Variants in PCDHGA5 observed in about 807,000 individuals in gnomAD.
PCDHGA5 encodes the protein protocadherin gamma-A5.
Under a neutral mutation model 56.7 loss-of-function variants are expected in PCDHGA5, and 36 were observed. That is an observed-to-expected ratio of 0.64 (90% CI 0.49 to 0.84). The LOEUF (loss-of-function observed/expected upper bound fraction) is 0.84, where lower values mean the gene tolerates loss of function less well. Ranked by LOEUF, PCDHGA5 falls within the 40% of genes least tolerant of loss-of-function variation. PCDHGA5 has a pLI of 0.00. For synonymous variants in PCDHGA5, 563 were observed against 520.2 expected, an observed-to-expected ratio of 1.08 and a Z score of -1.12; for missense variants, 1,305 against 1,201.5, an observed-to-expected ratio of 1.09 and a Z score of -1.27.
At chr5:141,442,445 T>A (rs2098325574) in intron 1 of PCDHGA5, 1 of 152,198 alleles carries the variant, frequency 6.6e-6, no homozygotes, top group South Asian at 2.1e-4. Flanking sequence ...CCCTCAGGAC[T>A]CAATAGCAGT....
At chr5:141,424,055 C>T (rs2096796946) in intron 1 of PCDHGA5, 1 of 1,007,784 alleles carries the variant, frequency 9.9e-7, no homozygotes. Flanking sequence ...TTTTGCTGTG[C>T]CTTCACTGAT....
chr5:141,393,232 T>TA lies in PCDHGA5; in HGVS notation c.2421+26486dup, dbSNP rs774547937. On this transcript the variant is annotated intron_variant, in intron 1 of 3. Coordinates refer to ENST00000518069, the MANE Select transcript of PCDHGA5 (RefSeq NM_018918.3). The stretch of plus-strand genomic sequence containing the variant: ...AAATTCCAGGTCGAAGATCTAGAAG[T>TA]AAAAATTAACGAAATCGCGGTTCCT... The TA allele has an allele frequency of 5.6e-6, 9 of 1,613,542 alleles. No homozygotes were observed. The African/African-American group carries it at 1.2e-4, about 22-fold the overall frequency.
At chr5:141,413,082 A>T in intron 1 of PCDHGA5, 8 of 1,344,446 alleles carry the variant, frequency 6.0e-6, no homozygotes, top group Non-Finnish European at 8.1e-6. Context: ...CCCAGGCTAC[A>T]GAGACACCCT....
At chr5:141,395,889 G>A (rs1375818306) in intron 1 of PCDHGA5, 3 of 151,948 alleles carry the variant, frequency 2.0e-5, no homozygotes, top group African/African-American at 4.8e-5. Flanking sequence ...GTGGTCACCT[G>A]GGCTCCATGC....
intron 1 of PCDHGA5, chr5:141,478,545 A>T: frequency 6.2e-7 from 1 of 1,605,606 alleles, no homozygotes; most frequent in Admixed American, 1.7e-5. Context: ...CCTCCCGGAC[A>T]GGTAAGGTTT....
At chr5:141,479,866 A>G (rs1020197891) in intron 1 of PCDHGA5, among the ~76,000 whole-genome samples, 2 of 152,204 alleles carry the variant, frequency 1.3e-5, no homozygotes, top group African/African-American at 2.4e-5. Context: ...TTTGCCCTGG[A>G]GAGAACCCTA....
At chr5:141,410,858 T>A in intron 1 of PCDHGA5, 1 of 436,188 alleles carries the variant, frequency 2.3e-6, no homozygotes, top group Non-Finnish European at 3.8e-6. Context: ...TCTTTTTTTT[T>A]TTTTTTTTTT....
chr5:141,495,434 G>A (rs1038100521), intron 2 of PCDHGA5, among the ~76,000 whole-genome samples: 2 of 152,196 alleles, frequency 1.3e-5, no homozygotes, highest in Non-Finnish European at 2.9e-5. Flanking sequence ...ACTGTCCTCT[G>A]CCCCTACTTG....
chr5:141,399,043 G>T lies in PCDHGA5; in HGVS notation c.2421+32292G>T, dbSNP rs545668357. The T allele has an allele frequency of 3.0e-5, 48 of 1,613,890 alleles. No homozygotes were observed. The South Asian group carries it at 4.9e-4, about 17-fold the overall frequency. ...TACCACTCAAAAGAAACTGGATTTTGAAGAGACCAAGGAATATTCAATGGT... is the reference window on the plus strand; with the variant it reads ...TACCACTCAAAAGAAACTGGATTTTTAAGAGACCAAGGAATATTCAATGGT... On this transcript the variant is annotated intron_variant, in intron 1 of 3. Transcript: ENST00000518069.
In PCDHGA5 at chr5:141,510,992, T is replaced by C. The variant is rs879030278; in HGVS notation, c.2615T>C (p.Met872Thr). The change falls in exon 4 of 4, where the codon ATG (methionine) becomes ACG (threonine). Residue 872 changes from methionine to threonine, a missense_variant. By Grantham distance (81) the Met-to-Thr change is moderately conservative. Coordinates refer to ENST00000518069, the MANE Select transcript of PCDHGA5 (RefSeq NM_018918.3). ...SSTLGGGAGT[M>T]GLSARYGPQF... is the part of the protein sequence containing the mutation. ...ACCCTGGGAGGGGGTGCCGGCACCA[T>C]GGGATTGAGCGCCCGCTACGGACCC... The C allele has an allele frequency of 1.9e-6, 3 of 1,614,164 alleles. No individual in the cohort carries two copies. The highest frequency in any genetic ancestry group is 2.5e-6 in the Non-Finnish European group (3 of 1,180,006).
At position 141,432,180 on chromosome 5, in the gene PCDHGA5, T is replaced by G. The variant is rs943491593; in HGVS notation, c.2422-62627T>G. 2 of 1,614,044 alleles carry G rather than the reference T, an allele frequency of 1.2e-6. No homozygotes were observed. The highest frequency in any genetic ancestry group is 1.7e-6 in the Non-Finnish European group (2 of 1,180,036). ...CCCAGAGGAGTTTCCCTCGTCTCTG[T>G]GACCGCCCACGACCCCGACTGTGAA... On this transcript the variant is annotated intron_variant, in intron 1 of 3. Coordinates refer to ENST00000518069, the MANE Select transcript of PCDHGA5 (RefSeq NM_018918.3). This position sits in a 1 kb window ranked among gnomAD's most constrained non-coding sequence, Gnocchi z 6.0.
chr5:141,472,865 A>G (rs1329594490), intron 1 of PCDHGA5, among the ~76,000 whole-genome samples: 3 of 149,558 alleles, frequency 2.0e-5, no homozygotes, highest in Non-Finnish European at 4.5e-5. Flanking sequence ...ACATGCCTGT[A>G]TTCCCAGCTA....
chr5:141,494,936 G>C, intron 2 of PCDHGA5, 71 bp downstream of exon 2: 1 of 1,612,574 alleles, frequency 6.2e-7, no homozygotes, highest in South Asian at 1.1e-5. Flanking sequence ...GGAGGAGATG[G>C]GGGAGGGCCC....
chr5:141,501,141 A>G (rs940603527), intron 2 of PCDHGA5, among the ~76,000 whole-genome samples: 8 of 152,184 alleles, frequency 5.3e-5, no homozygotes, highest in Admixed American at 5.2e-4. Context: ...TGCTGGGATT[A>G]CAGGTGGGAG....
At chr5:141,427,812 G>A (rs1380721111) in intron 1 of PCDHGA5, 1 of 1,524,286 alleles carries the variant, frequency 6.6e-7, no homozygotes, top group African/African-American at 1.4e-5. Context: ...CGCACAGAGC[G>A]GGGTGGTGGT....
At position 141,366,706 on chromosome 5, in the gene PCDHGA5, G is replaced by T. The variant is rs202189432; in HGVS notation, c.2376G>T (p.Leu792=). ...EESCEKSEPL[L]MSDKVDANKE... ...GCTGTGAGAAAAGCGAGCCTCTTCT[G>T]ATGTCTGATAAGGTAGATGCAAACA... The change falls in exon 1 of 4, where the codon CTG becomes CTT. Residue 792 remains leucine, a synonymous_variant. Transcript: ENST00000518069. 169 of 1,614,242 alleles carry T rather than the reference G, an allele frequency of 1.0e-4. No individual in the cohort carries two copies. The highest frequency in any genetic ancestry group is 1.6e-4 in the Middle Eastern group (1 of 6,062).
intron 1 of PCDHGA5, chr5:141,392,627 G>T: frequency 1.7e-6 from 1 of 584,572 alleles, no homozygotes; most frequent in Non-Finnish European, 2.9e-6. Flanking sequence ...AAAACACTCA[G>T]ATCTCACACC....
chr5:141,376,672 TA>T, intron 1 of PCDHGA5: 1 of 691,294 alleles, frequency 1.4e-6, no homozygotes, highest in Non-Finnish European at 2.3e-6. Flanking sequence ...CAGGTGAGGG[TA>T]TCGTTTTTTT....
chr5:141,425,566 G>T (rs532293951), intron 1 of PCDHGA5, among the ~76,000 whole-genome samples: 1 of 152,348 alleles, frequency 6.6e-6, no homozygotes, highest in Admixed American at 6.5e-5. Context: ...TAAGTGATAA[G>T]AAGGGTTTGG....
Sources: gnomAD v4.1 joint callset for allele counts (sites outside exome capture counted in the v4.1 genomes callset) on GRCh38, gnomAD v4.1.1 for gene constraint, Gnocchi (gnomAD v3.1) non-coding constraint, MANE v1.5 for transcripts, NCBI Gene and HGNC (gene_info 2026-07-23, HGNC 2026-07-21) for gene names.